GRM5: variants seen among roughly 807,000 people sequenced by gnomAD.
The protein encoded by GRM5 is metabotropic glutamate receptor 5.
In GRM5, 19 loss-of-function variants were observed where a neutral mutation model predicts 83.1. The ratio of observed to expected loss-of-function variants is 0.23; its 90% confidence interval spans 0.16 to 0.34. GRM5 has a LOEUF of 0.34. Among genes scored for constraint, GRM5 ranks in the 10% least tolerant of loss-of-function variants. The pLI, the probability that GRM5 is intolerant of heterozygous loss-of-function variation, is 1.00. For synonymous variants in GRM5, 675 were observed against 633.6 expected (o/e 1.07, Z -0.98); for missense variants, 1,160 against 1,588.3 (o/e 0.73, Z 4.58).
chr11:88,786,888 C>T (rs1194771587), intron 3 of GRM5, among the ~76,000 whole-genome samples: 4 of 151,920 alleles, frequency 2.6e-5, no homozygotes, highest in African/African-American at 4.8e-5. Flanking sequence ...GAGCTTCTGG[C>T]ACATAAGAGG....
chr11:88,580,248 A>G (rs116605763), intron 7 of GRM5, among the ~76,000 whole-genome samples: 1 of 152,210 alleles, frequency 6.6e-6, no homozygotes, highest in South Asian at 2.1e-4. Context: ...GGAATATTTA[A>G]GTCTGGAGAT....
chr11:88,628,607 G>A (rs1161242869), intron 4 of GRM5, among the ~76,000 whole-genome samples: 4 of 152,118 alleles, frequency 2.6e-5, no homozygotes, highest in Non-Finnish European at 5.9e-5. Flanking sequence ...GTAACAGATG[G>A]ATCCTTTAAC....
intron 3 of GRM5, among the ~76,000 whole-genome samples, chr11:88,802,467 G>T (rs545176888): frequency 1.0e-4 from 13 of 128,610 alleles, no homozygotes; most frequent in African/African-American, 3.9e-4. Flanking sequence ...CAGAAAAGGC[G>T]TTTGACAAAA....
chr11:88,664,676 AC>A (rs1939993889), intron 3 of GRM5, among the ~76,000 whole-genome samples: 1 of 151,982 alleles, frequency 6.6e-6, no homozygotes, highest in African/African-American at 2.4e-5. Flanking sequence ...CGAACTCCTG[AC>A]CTCAGGTGAT....
chr11:88,842,737 T>C (rs1326822744), intron 3 of GRM5, among the ~76,000 whole-genome samples: 1 of 152,322 alleles, frequency 6.6e-6, no homozygotes, highest in East Asian at 1.9e-4. Flanking sequence ...AAAGATAATT[T>C]CTTAGAATTC....
intron 4 of GRM5, among the ~76,000 whole-genome samples, chr11:88,645,636 A>G (rs1939422935): frequency 6.6e-6 from 1 of 152,172 alleles, no homozygotes; most frequent in South Asian, 2.1e-4. Flanking sequence ...TGGGAGTAAC[A>G]TTGATGAGAT....
At chr11:88,620,570 C>T (rs1398133094) in intron 4 of GRM5, among the ~76,000 whole-genome samples, 1 of 152,106 alleles carries the variant, frequency 6.6e-6, no homozygotes, top group South Asian at 2.1e-4. Context: ...GTGCAGGTAG[C>T]TTTTTGGGAA....
chr11:88,892,507 A>T (rs111778501), intron 2 of GRM5, among the ~76,000 whole-genome samples: 3 of 152,148 alleles, frequency 2.0e-5, no homozygotes, highest in African/African-American at 7.2e-5. Context: ...GCCAACCCAA[A>T]AGGCCTATGT....
chr11:88,668,205 G>T (rs1217841026), intron 3 of GRM5, among the ~76,000 whole-genome samples: 1 of 98,560 alleles, frequency 1.0e-5, no homozygotes, highest in African/African-American at 3.2e-5. Context: ...AACATCTGCA[G>T]AAACTCGCAC....
intron 8 of GRM5, among the ~76,000 whole-genome samples, chr11:88,537,897 G>T (rs1942172043): frequency 6.6e-6 from 1 of 152,100 alleles, no homozygotes; most frequent in South Asian, 2.1e-4. Flanking sequence ...AAATTGCCAG[G>T]TAACATATTT....
Position 88,525,331 on chromosome 11 carries a change from C to A in GRM5, c.2704G>T (p.Gly902Cys). Residue 902 changes from glycine (G) to cysteine (C), a missense_variant, in exon 9 of 10, where the codon GGT (glycine) becomes TGT (cysteine). By Grantham distance (159) the Gly-to-Cys change is radical (BLOSUM62 -3). Transcript: ENST00000305447. ...CFTPKGSMGN[G>C]GRATMSSSNG... ...TACCTGCTCATTGTTGCTCTCCCAC[C>A]ATTCCCCATACTCCCTTTGGGGGTG... The A allele has an allele frequency of 6.2e-6, 10 of 1,608,098 alleles. No homozygotes were observed. Among genetic ancestry groups the A allele is most frequent in the Non-Finnish European group, 8.5e-6 (10 of 1,174,538 alleles).
chr11:88,690,319 T>C (rs1177703315), intron 3 of GRM5, among the ~76,000 whole-genome samples: 2 of 152,176 alleles, frequency 1.3e-5, no homozygotes, highest in Non-Finnish European at 2.9e-5. Context: ...ATTTTGTTTT[T>C]GAACAGAAAT....
chr11:88,683,719 A>G (rs985822388), intron 3 of GRM5, among the ~76,000 whole-genome samples: 1 of 152,214 alleles, frequency 6.6e-6, no homozygotes, highest in Admixed American at 6.5e-5. Flanking sequence ...TATATAGGAA[A>G]AAATAATTTA....
chr11:88,561,273 A>G (rs1371606015), intron 8 of GRM5, among the ~76,000 whole-genome samples: 2 of 152,174 alleles, frequency 1.3e-5, no homozygotes, highest in African/African-American at 4.8e-5. Context: ...GGCCCTCGTG[A>G]CAATGCTAAT....
At chr11:88,648,669 T>G (rs1939536534) in intron 4 of GRM5, among the ~76,000 whole-genome samples, 2 of 150,770 alleles carry the variant, frequency 1.3e-5, no homozygotes, top group Admixed American at 6.6e-5. Context: ...AAAAAAAAGA[T>G]TTTCAAGAGA....
Position 88,508,834 on chromosome 11 carries a change from C to A in GRM5, c.3397G>T (p.Ala1133Ser), listed in dbSNP as rs1156971308. The A allele has an allele frequency of 2.6e-6, 4 of 1,545,254 alleles. No individual in the cohort carries two copies. The East Asian group carries it at 1.0e-4, about 39-fold the overall frequency. Residue 1133 changes from alanine (A) to serine (S), a missense_variant, in exon 10 of 10, where the codon GCG (alanine) becomes TCG (serine). Coordinates refer to ENST00000305447, the MANE Select transcript of GRM5 (RefSeq NM_001143831.3). The surrounding 1 kb of genome is among the most constrained non-coding windows in gnomAD (Gnocchi z 4.2). ...VTGGAQPAAG[A>S]QAAGDAARES... ...CGGGCCGCGTCCCCAGCCGCCTGCG[C>A]CCCTGCCGCGGGCTGCGCGCCTCCC...
intron 2 of GRM5, among the ~76,000 whole-genome samples, chr11:88,857,241 T>A (rs951998500): frequency 2.6e-5 from 4 of 152,146 alleles, no homozygotes; most frequent in Admixed American, 2.0e-4. Context: ...TGTTTCTCCA[T>A]ACCTTCACCA....
At chr11:88,758,707 G>A (rs1222880498) in intron 3 of GRM5, among the ~76,000 whole-genome samples, 1 of 152,158 alleles carries the variant, frequency 6.6e-6, no homozygotes, top group African/African-American at 2.4e-5. Flanking sequence ...AACCTAGCCA[G>A]AGAGGCAAAT....
Position 88,899,407 on chromosome 11 carries a change from GA to G in GRM5, c.662-49253del, listed in dbSNP as rs5793355. ...TCTTGCCCATTTACTGTATTTGGAA[GA>G]AAAAAATAGTGGATAATTAGGAAGT... On this transcript the variant is annotated intron_variant, in intron 2 of 9. Transcript: ENST00000305447. Among the ~76,000 whole-genome samples the G allele has an allele frequency of 9.2e-4, 139 of 151,384 alleles. 1 individual carries two copies. Among genetic ancestry groups the G allele is most frequent in the African/African-American group, 3.1e-3 (128 of 41,334 alleles).
Sources: allele counts gnomAD v4.1 joint callset (sites outside exome capture counted in the v4.1 genomes callset), GRCh38; gene constraint gnomAD v4.1.1; non-coding constraint Gnocchi (gnomAD v3.1); transcripts MANE v1.5; gene names NCBI Gene and HGNC (gene_info 2026-07-23, HGNC 2026-07-21).